The following MTOR variants were observed in gnomAD, a reference collection of about 807,000 sequenced individuals.
The protein encoded by MTOR is mechanistic target of rapamycin kinase, also known as serine/threonine-protein kinase mTOR.
MTOR carries 70 observed loss-of-function variants against 319.8 expected under a neutral mutation model. The observed-to-expected ratio is 0.22, with a 90% CI of 0.18 to 0.27. The LOEUF (loss-of-function observed/expected upper bound fraction) is 0.27, where lower values mean the gene tolerates loss of function less well. Among genes scored for constraint, MTOR ranks in the 10% least tolerant of loss-of-function variants. The probability of loss-of-function intolerance (pLI) is 1.00; values close to 1 mark genes in which losing one functional copy is unlikely to be tolerated. For synonymous variants in MTOR, 1,183 were observed against 1,211.4 expected (o/e 0.98, Z 0.49); for missense variants, 1,890 against 3,274.4 (o/e 0.58, Z 10.32).
At chr1:11,120,799 A>C (rs1642484712) in intron 49 of MTOR, among the ~76,000 whole-genome samples, 1 of 152,146 alleles carries the variant, frequency 6.6e-6, no homozygotes, top group Non-Finnish European at 1.5e-5. Context: ...TATTTTTAAA[A>C]ATTTACATTT....
chr1:11,169,513 A>T (rs1415420804), intron 28 of MTOR, among the ~76,000 whole-genome samples: 2 of 152,200 alleles, frequency 1.3e-5, no homozygotes. Context: ...CCCATGTCAG[A>T]CTGATCACAT....
In MTOR at chr1:11,228,917, A is replaced by C; in HGVS notation, c.2781T>G (p.Ser927=). ...LSESKSSQDS[S]DYSTSEMLVN... ...CCAGCATTTCACTAGTGCTATAGTCAGCTAGGACAAAACAACAGAGAGTGT... is the reference window on the plus strand; with the variant it reads ...CCAGCATTTCACTAGTGCTATAGTCCGCTAGGACAAAACAACAGAGAGTGT... The change falls in exon 19 of 58, where the codon TCT becomes TCG. Residue 927 remains serine (S), a splice_region_variant and synonymous_variant. Transcript: ENST00000361445. The C allele has an allele frequency of 6.2e-7, 1 of 1,614,068 alleles. No homozygotes were observed. The highest frequency in any genetic ancestry group is 8.5e-7 in the Non-Finnish European group (1 of 1,179,922).
chr1:11,194,559 T>A (rs1399920366), intron 28 of MTOR: 1 of 1,613,968 alleles, frequency 6.2e-7, no homozygotes, highest in Admixed American at 1.7e-5. Flanking sequence ...ACACTGGCAA[T>A]GTGGGGAACG....
intron 57 of MTOR, 125 bp downstream of exon 57, chr1:11,108,056 G>T: frequency 1.5e-6 from 1 of 666,922 alleles, no homozygotes; most frequent in Non-Finnish European, 2.6e-6. Context: ...TTTTTAAAGA[G>T]ATCTGAGCTC....
intron 1 of MTOR, among the ~76,000 whole-genome samples, chr1:11,259,669 T>G (rs1422178548): frequency 6.6e-6 from 1 of 152,146 alleles, no homozygotes; most frequent in African/African-American, 2.4e-5. Context: ...TACTTGGGTT[T>G]GAATCCTTGG....
At chr1:11,207,820 T>C (rs986638743) in intron 25 of MTOR, among the ~76,000 whole-genome samples, 5 of 152,166 alleles carry the variant, frequency 3.3e-5, no homozygotes, top group South Asian at 2.1e-4. Context: ...CCCAATGAAA[T>C]AGATCTGAGA....
At chr1:11,243,996 C>G (rs1232832736) in intron 8 of MTOR, among the ~76,000 whole-genome samples, 1 of 151,846 alleles carries the variant, frequency 6.6e-6, no homozygotes, top group Non-Finnish European at 1.5e-5. Context: ...GCCTGGGCAA[C>G]AGAATAAGAC....
intron 32 of MTOR, among the ~76,000 whole-genome samples, chr1:11,145,986 C>A (rs1643916450): frequency 6.6e-6 from 1 of 152,186 alleles, no homozygotes; most frequent in African/African-American, 2.4e-5. Flanking sequence ...ACTCTTGTGT[C>A]TCTGACAGAG....
chr1:11,124,697 C>G (rs753547289), intron 46 of MTOR, 64 bp from the exon 47 acceptor site: 74 of 1,547,080 alleles, frequency 4.8e-5, no homozygotes, highest in Non-Finnish European at 6.5e-5. Context: ...GCTGAGAGCA[C>G]CACTGCATTC....
At chr1:11,189,937 G>C (rs1305859433) in intron 28 of MTOR, 1 of 1,611,812 alleles carries the variant, frequency 6.2e-7, no homozygotes, top group South Asian at 1.1e-5. Context: ...AGCACAGACG[G>C]TCACTCAGAC....
At chr1:11,167,558 C>A (rs2100610378) in intron 28 of MTOR, 41 bp from the exon 29 acceptor site, 2 of 1,517,814 alleles carry the variant, frequency 1.3e-6, no homozygotes, top group South Asian at 2.2e-5. Flanking sequence ...CTCAACAGGT[C>A]TGAGGGTAGG....
At chr1:11,195,428 T>A (rs1645749575) in intron 28 of MTOR, 1 of 162,660 alleles carries the variant, frequency 6.1e-6, no homozygotes, top group African/African-American at 2.4e-5. Flanking sequence ...AAGAACCATA[T>A]TATTTTGATT....
chr1:11,120,342 T>C (rs1406481564), intron 49 of MTOR, among the ~76,000 whole-genome samples: 2 of 151,940 alleles, frequency 1.3e-5, no homozygotes, highest in African/African-American at 4.8e-5. Context: ...AGTTTGAGAC[T>C]AGCCTGGACA....
chr1:11,121,835 A>G lies in MTOR; in HGVS notation c.6810+144T>C. The stretch of plus-strand genomic sequence containing the variant: ...TTCTTACAAGCTTATCTGCTTTAGG[A>G]CTCACTTTATTAAACCTTCTTCAAA... On this transcript the variant is annotated intron_variant, in intron 48 of 57. Transcript: ENST00000361445. The surrounding 1 kb of genome is among the most constrained non-coding windows in gnomAD (Gnocchi z 4.9). 1 of 1,088,032 alleles carries G rather than the reference A, an allele frequency of 9.2e-7. No individual in the cohort carries two copies. Among genetic ancestry groups the G allele is most frequent in the Non-Finnish European group, 1.3e-6 (1 of 769,336 alleles). 67.4% of individuals were successfully genotyped at this position (1,088,032 alleles called of 1,614,324 possible).
intron 47 of MTOR, among the ~76,000 whole-genome samples, chr1:11,122,534 G>A (rs1284090016): frequency 2.3e-5 from 3 of 128,160 alleles, no homozygotes; most frequent in Non-Finnish European, 4.8e-5. Flanking sequence ...TTTAGATGGA[G>A]TCTTGTTCTG....
chr1:11,189,995 C>A (rs1645466829), intron 28 of MTOR: 13 of 1,566,042 alleles, frequency 8.3e-6, no homozygotes, highest in South Asian at 2.4e-5. Flanking sequence ...GGAGTGCCTC[C>A]CCATCTACAG....
At chr1:11,178,661 A>C (rs193238515) in intron 28 of MTOR, among the ~76,000 whole-genome samples, 1 of 152,314 alleles carries the variant, frequency 6.6e-6, no homozygotes, top group East Asian at 1.9e-4. Flanking sequence ...GAGAGAAACA[A>C]AGAGCTCTGA....
rs762827261 is a variant in MTOR, at chr1:11,199,240, A to G, written c.4253+18T>C. On this transcript the variant is annotated intron_variant, in intron 28 of 57. Transcript: ENST00000361445. The surrounding 1 kb of genome is among the most constrained non-coding windows in gnomAD (Gnocchi z 4.5). ...CATTTTGCATGAAGGCAGCAATTAAAAAGGGTTTATGGCCTACCTGATGAG... is the reference window on the plus strand; with the variant it reads ...CATTTTGCATGAAGGCAGCAATTAAGAAGGGTTTATGGCCTACCTGATGAG... 13 of 1,614,160 alleles carry G rather than the reference A, an allele frequency of 8.1e-6. No individual in the cohort carries two copies. The highest frequency in any genetic ancestry group is 1.1e-5 in the South Asian group (1 of 91,082).
chr1:11,153,786 A>T (rs1644226308), intron 30 of MTOR, among the ~76,000 whole-genome samples: 1 of 152,050 alleles, frequency 6.6e-6, no homozygotes, highest in Non-Finnish European at 1.5e-5. Flanking sequence ...AATAGCCATA[A>T]GGCCGGATGC....
Sources: gnomAD v4.1 joint callset for allele counts (sites outside exome capture counted in the v4.1 genomes callset) on GRCh38, gnomAD v4.1.1 for gene constraint, Gnocchi (gnomAD v3.1) non-coding constraint, MANE v1.5 for transcripts, NCBI Gene and HGNC (gene_info 2026-07-23, HGNC 2026-07-21) for gene names.